Variants in TRHDE observed in about 807,000 individuals in gnomAD.
TRHDE encodes thyrotropin releasing hormone degrading enzyme, also known as thyrotropin-releasing hormone-degrading ectoenzyme.
In TRHDE, 72 loss-of-function variants were observed where a neutral mutation model predicts 125.7. The observed-to-expected ratio is 0.57, with a 90% CI of 0.47 to 0.70. The LOEUF (loss-of-function observed/expected upper bound fraction) is 0.70, where lower values mean the gene tolerates loss of function less well. Among genes scored for constraint, TRHDE ranks in the 30% least tolerant of loss-of-function variants. The pLI is 0.00. For synonymous variants in TRHDE, 509 were observed against 509.1 expected (o/e 1.00, Z 0.00); for missense variants, 1,110 against 1,327.1 (o/e 0.84, Z 2.54).
At chr12:72,216,210 T>C (rs973177875) in intron 2 of TRHDE, among the ~76,000 whole-genome samples, 1 of 152,076 alleles carries the variant, frequency 6.6e-6, no homozygotes, top group Non-Finnish European at 1.5e-5. Context: ...ACTGGGTAGA[T>C]TTTGTGTTCA....
chr12:72,378,201 C>G, intron 3 of TRHDE, 80 bp downstream of exon 3: 1 of 1,282,874 alleles, frequency 7.8e-7, no homozygotes, highest in Non-Finnish European at 1.0e-6. Flanking sequence ...TTGAGCCATC[C>G]AGAAGCATGA....
In TRHDE at chr12:72,357,798, G is replaced by A. The variant is rs534934351; in HGVS notation, c.1189-20197G>A. ...ATTCTGCTATAGTAACTATTTTACT[G>A]TAATAATGATGTATCTTACAACATC... On this transcript the variant is annotated intron_variant, in intron 2 of 18. Transcript: ENST00000261180. 6.6e-5 allele frequency among the ~76,000 whole-genome samples: 10 copies of A among 151,492 alleles called. No individual in the cohort carries two copies. The East Asian group carries it at 1.8e-3, about 27-fold the overall frequency.
chr12:72,658,837 T>C (rs1565826134), intron 18 of TRHDE, among the ~76,000 whole-genome samples: 1 of 152,214 alleles, frequency 6.6e-6, no homozygotes, highest in African/African-American at 2.4e-5. Flanking sequence ...TCTGGAGTTA[T>C]TTACTCTGGC....
chr12:72,552,719 T>C (rs761658630), intron 7 of TRHDE, among the ~76,000 whole-genome samples: 3 of 152,036 alleles, frequency 2.0e-5, no homozygotes, highest in Non-Finnish European at 4.4e-5. Flanking sequence ...AAAGAGTGAA[T>C]GGGAATGTGG....
At chr12:72,302,907 C>T (rs894208957) in intron 2 of TRHDE, among the ~76,000 whole-genome samples, 1 of 152,124 alleles carries the variant, frequency 6.6e-6, no homozygotes, top group Non-Finnish European at 1.5e-5. Flanking sequence ...TATTTAGCAG[C>T]GTTCCTGGCC....
chr12:72,602,610 G>T (rs1872253600), intron 12 of TRHDE, among the ~76,000 whole-genome samples: 1 of 152,056 alleles, frequency 6.6e-6, no homozygotes, highest in Admixed American at 6.6e-5. Context: ...AATATATATG[G>T]CAATTGGCTT....
intron 12 of TRHDE, among the ~76,000 whole-genome samples, chr12:72,609,339 C>G (rs1250921607): frequency 1.3e-5 from 2 of 152,146 alleles, no homozygotes; most frequent in Non-Finnish European, 2.9e-5. Flanking sequence ...GTGAACTACA[C>G]TTATCTTCTC....
intron 12 of TRHDE, among the ~76,000 whole-genome samples, chr12:72,585,374 A>G (rs1871396199): frequency 2.0e-5 from 3 of 152,202 alleles, no homozygotes. Context: ...AATAACTGAC[A>G]ATAAATAAAT....
chr12:72,419,860 A>G (rs1440415406), intron 3 of TRHDE, among the ~76,000 whole-genome samples: 2 of 152,210 alleles, frequency 1.3e-5, no homozygotes, highest in Admixed American at 6.5e-5. Flanking sequence ...TTCCCAAACC[A>G]AGATGAATTG....
At chr12:72,449,946 A>G (rs946623086) in intron 3 of TRHDE, among the ~76,000 whole-genome samples, 1 of 151,926 alleles carries the variant, frequency 6.6e-6, no homozygotes, top group Non-Finnish European at 1.5e-5. Context: ...GGTTAATGGA[A>G]TACAATGATT....
At chr12:72,369,628 A>G (rs1175627155) in intron 2 of TRHDE, among the ~76,000 whole-genome samples, 1 of 152,178 alleles carries the variant, frequency 6.6e-6, no homozygotes, top group African/African-American at 2.4e-5. Context: ...CCCCAGAAGG[A>G]ACTTTGAGCT....
chr12:72,315,233 A>G (rs1868741988), intron 2 of TRHDE, among the ~76,000 whole-genome samples: 1 of 152,240 alleles, frequency 6.6e-6, no homozygotes, highest in Non-Finnish European at 1.5e-5. Flanking sequence ...GGTGAGGAAG[A>G]TAAACTTTTA....
At chr12:72,615,654 TCA>T (rs148172213) in intron 12 of TRHDE, among the ~76,000 whole-genome samples, 1 of 152,280 alleles carries the variant, frequency 6.6e-6, no homozygotes, top group East Asian at 1.9e-4. Flanking sequence ...TATGTTGGTA[TCA>T]CAGCAGAAGG....
chr12:72,649,381 T>A (rs1289079079), intron 15 of TRHDE, among the ~76,000 whole-genome samples: 1 of 151,844 alleles, frequency 6.6e-6, no homozygotes. Context: ...TTGTTTTATA[T>A]ACCGTACACA....
chr12:72,568,481 A>C (rs1277435300), intron 9 of TRHDE, 87 bp from the exon 10 acceptor site: 18 of 922,164 alleles, frequency 2.0e-5, no homozygotes, highest in Non-Finnish European at 3.0e-5. Context: ...AGTAATAAAA[A>C]TCACACAGAA....
chr12:72,635,330 C>T (rs927736242), intron 15 of TRHDE, among the ~76,000 whole-genome samples: 7 of 152,120 alleles, frequency 4.6e-5, no homozygotes, highest in Non-Finnish European at 1.0e-4. Context: ...ATGTCCTTTG[C>T]CTACTTTTTG....
intron 15 of TRHDE, among the ~76,000 whole-genome samples, chr12:72,638,999 C>G (rs1174192568): frequency 2.5e-4 from 38 of 150,808 alleles, no homozygotes; most frequent in East Asian, 1.4e-3. Context: ...TTGCTCTTCT[C>G]GAGGAGTATC....
At position 72,520,242 on chromosome 12, in the gene TRHDE, C is replaced by T. The variant is rs542470359; in HGVS notation, c.1722+20607C>T. Among the ~76,000 whole-genome samples, 638 of 152,318 alleles carry T rather than the reference C, an allele frequency of 4.2e-3. 4 individuals are homozygous for T. Among genetic ancestry groups the T allele is most frequent in the Non-Finnish European group, 7.4e-3 (502 of 68,026 alleles). ...ATGGCGGGCGCCCCTCCCCCAGTCT[C>T]GCTGCTGCCTTGCAGTTTGATCTCA... On this transcript the variant is annotated intron_variant, in intron 6 of 18. Coordinates refer to ENST00000261180, the MANE Select transcript of TRHDE (RefSeq NM_013381.3).
At chr12:72,364,798 T>C (rs1253365918) in intron 2 of TRHDE, among the ~76,000 whole-genome samples, 8 of 152,094 alleles carry the variant, frequency 5.3e-5, no homozygotes, top group Admixed American at 6.6e-5. Flanking sequence ...ACTAAATTGA[T>C]ACTGAATTCA....
Sources: gnomAD v4.1 joint callset for allele counts (sites outside exome capture counted in the v4.1 genomes callset) on GRCh38, gnomAD v4.1.1 for gene constraint, MANE v1.5 for transcripts, NCBI Gene and HGNC (gene_info 2026-07-23, HGNC 2026-07-21) for gene names.